Variants in UMAD1 observed in about 807,000 individuals in gnomAD.
UMAD1 encodes the protein UBAP1-MVB12-associated (UMA)-domain containing protein 1.
UMAD1 carries 8 observed loss-of-function variants against 6.1 expected under a neutral mutation model. The observed-to-expected ratio is 1.30, with a 90% confidence interval of 0.76 to 2.35. The LOEUF is 2.35. Ranked by LOEUF, UMAD1 falls within the 30% of genes most tolerant of loss-of-function variation. The pLI is 0.00. For missense variants in UMAD1, 130 were observed against 78.4 expected (o/e 1.66, Z -2.49); for synonymous variants, 56 against 31.4 (o/e 1.78, Z -2.61).
chr7:7,839,340 A>G (rs1201367657), intron 3 of UMAD1, among the ~76,000 whole-genome samples: 3 of 152,160 alleles, frequency 2.0e-5, no homozygotes, highest in South Asian at 4.1e-4. Flanking sequence ...GCCTCCCCCA[A>G]GCTGGGACCA....
intron 2 of UMAD1, among the ~76,000 whole-genome samples, chr7:7,778,228 G>T (rs1419192335): frequency 3.0e-4 from 8 of 26,490 alleles, no homozygotes; most frequent in South Asian, 9.9e-4. Context: ...AACTGGTTTT[G>T]TGTGTGTGTG....
intron 3 of UMAD1, among the ~76,000 whole-genome samples, chr7:7,858,156 T>C (rs1047236715): frequency 9.8e-5 from 15 of 152,328 alleles, no homozygotes; most frequent in African/African-American, 3.6e-4. Flanking sequence ...GGCAAGTAAG[T>C]GCTCATTCAG....
chr7:7,670,582 A>C (rs1015454846), intron 1 of UMAD1, among the ~76,000 whole-genome samples: 2 of 152,160 alleles, frequency 1.3e-5, no homozygotes, highest in Non-Finnish European at 2.9e-5. Context: ...CCCCTCCCCA[A>C]GGCAGTCTGT....
intron 3 of UMAD1, among the ~76,000 whole-genome samples, chr7:7,849,567 C>T (rs960869030): frequency 2.0e-5 from 3 of 152,108 alleles, no homozygotes; most frequent in Admixed American, 1.3e-4. Context: ...CCCAACCCTG[C>T]GATGGTCATT....
intron 3 of UMAD1, among the ~76,000 whole-genome samples, chr7:7,863,450 T>G (rs1784151072): frequency 6.6e-6 from 1 of 152,242 alleles, no homozygotes; most frequent in Admixed American, 6.5e-5. Context: ...TTTGATAAAA[T>G]TGTACCAGTA....
chr7:7,791,281 G>A (rs916464739), intron 2 of UMAD1, among the ~76,000 whole-genome samples: 1 of 152,170 alleles, frequency 6.6e-6, no homozygotes, highest in African/African-American at 2.4e-5. Flanking sequence ...TCTCAGCAGA[G>A]CCTGTAGAGC....
At chr7:7,742,512 G>A in intron 2 of UMAD1, 2 of 521,928 alleles carry the variant, frequency 3.8e-6, no homozygotes, top group Non-Finnish European at 7.6e-6. Context: ...CCTTCACTTT[G>A]GCTTCAGCTG....
chr7:7,779,772 A>G (rs1357635796), intron 2 of UMAD1, among the ~76,000 whole-genome samples: 2 of 151,832 alleles, frequency 1.3e-5, no homozygotes, highest in African/African-American at 4.8e-5. Context: ...AGCCTCTAGA[A>G]TAGCTGGGAC....
intron 3 of UMAD1, among the ~76,000 whole-genome samples, chr7:7,805,212 C>T (rs1385290244): frequency 6.6e-6 from 1 of 152,138 alleles, no homozygotes; most frequent in Non-Finnish European, 1.5e-5. Context: ...TTACAAATTT[C>T]TACACAGTTC....
intron 2 of UMAD1, among the ~76,000 whole-genome samples, chr7:7,734,101 A>G (rs1208047974): frequency 1.3e-5 from 2 of 152,054 alleles, no homozygotes; most frequent in Non-Finnish European, 2.9e-5. Flanking sequence ...GTTTTTGATC[A>G]ATGTCATTAT....
intron 2 of UMAD1, among the ~76,000 whole-genome samples, chr7:7,674,564 C>A (rs1779690565): frequency 6.6e-6 from 1 of 152,186 alleles, no homozygotes; most frequent in Non-Finnish European, 1.5e-5. Context: ...GACCAGATCC[C>A]TTATACCTGA....
chr7:7,709,758 A>G (rs1780704582), intron 2 of UMAD1, among the ~76,000 whole-genome samples: 1 of 151,714 alleles, frequency 6.6e-6, no homozygotes, highest in African/African-American at 2.4e-5. Flanking sequence ...TGCAAATCTC[A>G]ATTTGAAAAA....
chr7:7,742,201 A>G, intron 2 of UMAD1: 2 of 680,966 alleles, frequency 2.9e-6, no homozygotes, highest in Non-Finnish European at 5.5e-6. Context: ...CATCGATGTC[A>G]CAGAGCTTCT....
intron 2 of UMAD1, among the ~76,000 whole-genome samples, chr7:7,713,680 T>C (rs191270275): frequency 4.9e-4 from 74 of 152,316 alleles, no homozygotes; most frequent in African/African-American, 1.6e-3. Context: ...TGTTTGTCCT[T>C]GGATCATCAT....
chr7:7,724,641 G>C (rs752767882), intron 2 of UMAD1, among the ~76,000 whole-genome samples: 12 of 152,230 alleles, frequency 7.9e-5, no homozygotes, highest in Admixed American at 2.6e-4. Flanking sequence ...TATGCAGAAG[G>C]CAGATGGATC....
intron 3 of UMAD1, among the ~76,000 whole-genome samples, chr7:7,856,923 T>C (rs1023600092): frequency 6.6e-6 from 1 of 152,258 alleles, no homozygotes; most frequent in East Asian, 1.9e-4. Flanking sequence ...TTATGTTTCC[T>C]TCTCACTGAT....
rs1172782700 is a variant in UMAD1 at position 7,839,686 on chromosome 7, A to G, written c.157-37595A>G. Among the ~76,000 whole-genome samples, 4 of 152,232 alleles carry G rather than the reference A, an allele frequency of 2.6e-5. No homozygotes were observed. In the East Asian group the frequency reaches 5.8e-4, roughly 22 times the overall value. ...AAGAAGAGAAGGTAGTTTCAAGAAC[A>G]AAGTTCTTAAGAAGCAATGCAATCT... is the stretch of plus-strand genomic sequence containing the variant. On this transcript the variant is annotated intron_variant, in intron 3 of 3. Transcript: ENST00000682710.
intron 3 of UMAD1, among the ~76,000 whole-genome samples, chr7:7,858,974 A>T (rs1784067304): frequency 6.6e-6 from 1 of 152,164 alleles, no homozygotes; most frequent in Non-Finnish European, 1.5e-5. Context: ...CAACTCATGT[A>T]TTTCCTAGAG....
chr7:7,787,508 T>C (rs149311188), intron 2 of UMAD1, among the ~76,000 whole-genome samples: 95 of 152,354 alleles, frequency 6.2e-4, no homozygotes, highest in African/African-American at 2.1e-3. Flanking sequence ...GAATACAATA[T>C]GATAAATAAA....
Sources: allele counts gnomAD v4.1 joint callset (sites outside exome capture counted in the v4.1 genomes callset), GRCh38; gene constraint gnomAD v4.1.1; transcripts MANE v1.5; gene names NCBI Gene and HGNC (gene_info 2026-07-23, HGNC 2026-07-21).